NSMAF: variants seen among roughly 807,000 people sequenced by gnomAD.
NSMAF encodes neutral sphingomyelinase activation associated factor.
Under a neutral mutation model 134.9 loss-of-function variants are expected in NSMAF, and 90 were observed. The observed-to-expected ratio is 0.67, with a 90% CI of 0.56 to 0.79. The LOEUF is 0.79. NSMAF is among the 30% of genes least tolerant of loss of function. The probability of loss-of-function intolerance (pLI) is 0.00; values close to 1 mark genes in which losing one functional copy is unlikely to be tolerated. For missense variants in NSMAF, 1,010 were observed against 1,119.0 expected, an observed-to-expected ratio of 0.90 and a Z score of 1.39; for synonymous variants, 358 against 389.6, an observed-to-expected ratio of 0.92 and a Z score of 0.96.
chr8:58,614,573 C>T (rs1806612672), intron 9 of NSMAF, among the ~76,000 whole-genome samples: 1 of 152,178 alleles, frequency 6.6e-6, no homozygotes, highest in Non-Finnish European at 1.5e-5. Context: ...ATTTGATTAT[C>T]GGTCGTTGTC....
chr8:58,599,858 A>T lies in NSMAF; in HGVS notation c.1345T>A (p.Phe449Ile). Residue 449 changes from phenylalanine to isoleucine, a missense_variant, in exon 18 of 31, where the codon TTC becomes ATC. Physicochemically the swap from Phe to Ile is conservative, Grantham distance 21. Coordinates refer to ENST00000038176, the MANE Select transcript of NSMAF (RefSeq NM_003580.4). The part of the protein sequence containing the change: ...ATDFKELIPE[F>I]YGDDVSFLVN... ...AGAAAGCTCACATCATCACCATAGA[A>T]TTCTGGAATTAACTGAAAGTTTCGG... 1.9e-6 allele frequency: 3 copies of T among 1,613,550 alleles called. No individual in the cohort carries two copies. The South Asian group carries it at 3.3e-5, about 18-fold the overall frequency.
chr8:58,590,170 C>T (rs995929828), intron 24 of NSMAF, 96 bp from the exon 25 acceptor site: 3 of 1,042,794 alleles, frequency 2.9e-6, no homozygotes, highest in African/African-American at 3.2e-5. Context: ...AATTAATGCT[C>T]AAATCGTCTT....
intron 9 of NSMAF, among the ~76,000 whole-genome samples, chr8:58,614,872 A>G (rs1312432758): frequency 6.6e-6 from 1 of 152,184 alleles, no homozygotes; most frequent in Non-Finnish European, 1.5e-5. Flanking sequence ...ATAATTATAA[A>G]TTATCTAAAC....
At chr8:58,588,619 G>C (rs1329343608) in intron 26 of NSMAF, 1 of 1,475,948 alleles carries the variant, frequency 6.8e-7, no homozygotes, top group African/African-American at 1.4e-5. Flanking sequence ...GTCCCTGACT[G>C]CTGCGGCCTC....
intron 16 of NSMAF, among the ~76,000 whole-genome samples, chr8:58,600,414 G>A (rs893560446): frequency 1.3e-5 from 2 of 151,960 alleles, no homozygotes; most frequent in African/African-American, 4.8e-5. Context: ...CACGAAGTCA[G>A]GAGATCAAGA....
At chr8:58,626,541 T>C (rs759964513) in intron 6 of NSMAF, among the ~76,000 whole-genome samples, 20 of 152,232 alleles carry the variant, frequency 1.3e-4, no homozygotes, top group Non-Finnish European at 2.2e-4. Context: ...AAGGCCATTA[T>C]TTCATTTTGT....
intron 26 of NSMAF, among the ~76,000 whole-genome samples, chr8:58,588,118 G>A (rs1256440780): frequency 6.6e-6 from 1 of 152,138 alleles, no homozygotes; most frequent in Non-Finnish European, 1.5e-5. Context: ...AAAAACTCCT[G>A]GAGGAATTCT....
intron 28 of NSMAF, 96 bp from the exon 29 acceptor site, chr8:58,586,096 C>A: frequency 1.1e-6 from 1 of 950,342 alleles, no homozygotes; most frequent in Non-Finnish European, 1.7e-6. Context: ...GCCTAATCTC[C>A]ACATTCGTTT....
chr8:58,586,639 C>T lies in NSMAF; in HGVS notation c.2296-31G>A, dbSNP rs547244877. 23 of 1,563,072 alleles carry T rather than the reference C, an allele frequency of 1.5e-5. No homozygotes were observed. The East Asian group carries it at 5.2e-4, about 35-fold the overall frequency. On this transcript the variant is annotated intron_variant, in intron 27 of 30. Coordinates refer to ENST00000038176, the MANE Select transcript of NSMAF (RefSeq NM_003580.4). ...GAAGAAAACACATTGATACATATTC[C>T]ATTAGATTTATGGTCATTAGCTATG... is the stretch of plus-strand genomic sequence containing the variant.
chr8:58,608,362 A>C (rs1030797304), intron 10 of NSMAF, among the ~76,000 whole-genome samples: 5 of 152,200 alleles, frequency 3.3e-5, no homozygotes, highest in Admixed American at 2.6e-4. Context: ...GAAGAAGAAA[A>C]TTGTCTTGCT....
In NSMAF at chr8:58,603,243, A is replaced by G. The variant is rs1435250809; in HGVS notation, c.1012T>C (p.Trp338Arg). ...NDLSQYPVFP[W>R]IIHDYSSSEL... is the part of the protein sequence containing the mutation. ...GAGCTGGAATAATCATGTATTATCC[A>G]TGGAAACACAGGGTACTGGGAGAGG... is the stretch of plus-strand genomic sequence containing the variant. The change falls in exon 13 of 31, where the codon TGG (tryptophan) becomes CGG (arginine). Residue 338 changes from tryptophan (W) to arginine (R), a missense_variant. Transcript: ENST00000038176. The G allele has an allele frequency of 1.2e-6, 2 of 1,614,082 alleles. No individual in the cohort carries two copies. The highest frequency in any genetic ancestry group is 2.7e-5 in the African/African-American group (2 of 74,936).
chr8:58,593,578 G>T (rs1806067113), intron 23 of NSMAF, among the ~76,000 whole-genome samples: 1 of 152,156 alleles, frequency 6.6e-6, no homozygotes, highest in Non-Finnish European at 1.5e-5. Flanking sequence ...GCATCTTCCA[G>T]AGTGCCAACA....
chr8:58,609,772 A>G, intron 9 of NSMAF, 39 bp from the exon 10 acceptor site: 1 of 1,604,720 alleles, frequency 6.2e-7, no homozygotes, highest in East Asian at 2.2e-5. Flanking sequence ...GAAAAATCAG[A>G]AATTGATCTA....
intron 1 of NSMAF, among the ~76,000 whole-genome samples, chr8:58,647,748 G>T (rs1226924723): frequency 6.6e-6 from 1 of 152,200 alleles, no homozygotes; most frequent in Non-Finnish European, 1.5e-5. Flanking sequence ...AGCAGATGCT[G>T]GTGCCTTGCT....
intron 24 of NSMAF, among the ~76,000 whole-genome samples, 192 bp downstream of exon 24, chr8:58,590,675 C>T (rs1001467463): frequency 6.6e-6 from 1 of 151,982 alleles, no homozygotes; most frequent in African/African-American, 2.4e-5. Flanking sequence ...GAAATCACAA[C>T]AGTAAGAGAA....
chr8:58,631,913 A>G (rs765099770), intron 5 of NSMAF, among the ~76,000 whole-genome samples: 1 of 152,214 alleles, frequency 6.6e-6, no homozygotes, highest in African/African-American at 2.4e-5. Flanking sequence ...GTGGTAGGAA[A>G]TATGTTCACT....
chr8:58,621,876 G>A (rs1309341282), intron 9 of NSMAF, among the ~76,000 whole-genome samples: 1 of 152,014 alleles, frequency 6.6e-6, no homozygotes, highest in African/African-American at 2.4e-5. Flanking sequence ...TTAGACCTTT[G>A]GCAGATGCAA....
intron 2 of NSMAF, among the ~76,000 whole-genome samples, chr8:58,637,864 T>C (rs1807238393): frequency 6.6e-6 from 1 of 152,090 alleles, no homozygotes; most frequent in South Asian, 2.1e-4. Context: ...CACAAATAAA[T>C]AGAAAGATAT....
intron 9 of NSMAF, among the ~76,000 whole-genome samples, chr8:58,621,997 G>A (rs1027102595): frequency 2.0e-5 from 3 of 152,106 alleles, no homozygotes; most frequent in African/African-American, 7.2e-5. Flanking sequence ...GTCAATTTTT[G>A]TTTTTGCTGT....
Sources: gnomAD v4.1 joint callset for allele counts (sites outside exome capture counted in the v4.1 genomes callset) on GRCh38, gnomAD v4.1.1 for gene constraint, MANE v1.5 for transcripts, NCBI Gene and HGNC (gene_info 2026-07-23, HGNC 2026-07-21) for gene names.